The following DSE variants were observed in gnomAD, a reference collection of about 807,000 sequenced individuals.
DSE encodes dermatan sulfate epimerase.
Under a neutral mutation model 84.4 loss-of-function variants are expected in DSE, and 36 were observed. That is an observed-to-expected ratio of 0.43 (90% CI 0.33 to 0.56). DSE has a LOEUF of 0.56. Ranked by LOEUF, DSE falls within the 20% of genes least tolerant of loss-of-function variation. The pLI is 0.06. For missense variants in DSE, 862 were observed against 1,169.6 expected, an observed-to-expected ratio of 0.74 and a Z score of 3.84; for synonymous variants, 410 against 430.1, an observed-to-expected ratio of 0.95 and a Z score of 0.58.
rs67864536 is a variant in DSE at position 116,315,329 on chromosome 6, G to GATATATAT, written c.-54+56375_-54+56382dup. On this transcript the variant is annotated intron_variant, in intron 2 of 3. Transcript: ENST00000430252. The stretch of plus-strand genomic sequence containing the variant: ...CTCCTATTGTCTCATCACCTTCTGA[G>GATATATAT]ATATATATATATATATATATTCTTT... Among the ~76,000 whole-genome samples the GATATATAT allele has an allele frequency of 2.2e-3, 325 of 147,676 alleles. 2 individuals are homozygous for GATATATAT. Among genetic ancestry groups the GATATATAT allele is most frequent in the Non-Finnish European group, 3.9e-3 (262 of 66,744 alleles).
chr6:116,347,581 G>A (rs1285208984), intron 2 of DSE, among the ~76,000 whole-genome samples: 3 of 152,166 alleles, frequency 2.0e-5, no homozygotes, highest in Admixed American at 2.0e-4. Context: ...TGGGAAAACT[G>A]GCTAGCCATA....
intron 2 of DSE, among the ~76,000 whole-genome samples, chr6:116,306,848 C>G (rs1475645272): frequency 6.6e-6 from 1 of 152,152 alleles, no homozygotes; most frequent in Admixed American, 6.5e-5. Context: ...GAAGATACAA[C>G]AAGAAGGCTG....
At chr6:116,391,614 A>C (rs1414097531) in intron 1 of DSE, among the ~76,000 whole-genome samples, 2 of 151,902 alleles carry the variant, frequency 1.3e-5, no homozygotes, top group African/African-American at 4.8e-5. Flanking sequence ...AAAATACAAA[A>C]AATTAGCTGG....
intron 2 of DSE, among the ~76,000 whole-genome samples, chr6:116,323,628 C>T (rs1010301617): frequency 5.3e-5 from 8 of 152,052 alleles, no homozygotes; most frequent in African/African-American, 1.7e-4. Flanking sequence ...AATTTCATGT[C>T]ATTTGATTTG....
chr6:116,428,829 A>T (rs1783615290), intron 3 of DSE, among the ~76,000 whole-genome samples: 1 of 152,224 alleles, frequency 6.6e-6, no homozygotes, highest in South Asian at 2.1e-4. Flanking sequence ...TTGAAGATGG[A>T]TAGGAGAACT....
Position 116,399,323 on chromosome 6 carries a change from A to G in DSE, c.73A>G (p.Thr25Ala). 6.2e-7 allele frequency: 1 copy of G among 1,614,092 alleles called. No individual in the cohort carries two copies. The highest frequency in any genetic ancestry group is 8.5e-7 in the Non-Finnish European group (1 of 1,180,042). ...GCTTTGCTTTGTGTCAGCCTACATCACCGACGAGAACCCAGAAGTTATGAT... is the reference window on the plus strand; with the variant it reads ...GCTTTGCTTTGTGTCAGCCTACATCGCCGACGAGAACCCAGAAGTTATGAT... ...YLLCFVSAYI[T>A]DENPEVMIPF... The change falls in exon 2 of 6, where the codon ACC (threonine) becomes GCC (alanine). Residue 25 changes from threonine (T) to alanine (A), a missense_variant. Physicochemically the swap from Thr to Ala is moderately conservative, Grantham distance 58 (BLOSUM62 0). Around this residue, in one of 4 missense-constraint regions of DSE, gnomAD observed 52 missense variants for 49.6 expected, o/e 1.05. Coordinates refer to ENST00000644252, the MANE Select transcript of DSE (RefSeq NM_013352.4).
intron 2 of DSE, among the ~76,000 whole-genome samples, chr6:116,407,032 A>T (rs1781975423): frequency 6.6e-6 from 1 of 151,314 alleles, no homozygotes; most frequent in Admixed American, 6.6e-5. Context: ...TAAGAGACAT[A>T]TAAGACTGAA....
chr6:116,416,023 T>C (rs1046985079), intron 2 of DSE, among the ~76,000 whole-genome samples: 1 of 152,192 alleles, frequency 6.6e-6, no homozygotes, highest in African/African-American at 2.4e-5. Context: ...AGAATACTTT[T>C]CTTTGCCTTT....
chr6:116,404,362 C>T (rs779409394), intron 2 of DSE, among the ~76,000 whole-genome samples: 1 of 152,208 alleles, frequency 6.6e-6, no homozygotes, highest in Admixed American at 6.5e-5. Context: ...ACTGAGATCA[C>T]TTATTGTTCA....
intron 1 of DSE, among the ~76,000 whole-genome samples, chr6:116,385,611 A>G (rs1213458780): frequency 1.3e-5 from 2 of 152,174 alleles, no homozygotes; most frequent in Non-Finnish European, 2.9e-5. Flanking sequence ...GGCAGTGCCT[A>G]CGTCTTTGGG....
rs763528699 is a variant in DSE at position 116,258,489 on chromosome 6, A to G, written c.-532A>G. 4 of 1,089,546 alleles carry G rather than the reference A, an allele frequency of 3.7e-6. No individual in the cohort carries two copies. The African/African-American group carries it at 6.2e-5, about 17-fold the overall frequency. 67.5% of individuals were successfully genotyped at this position (1,089,546 alleles called of 1,614,324 possible). The stretch of plus-strand genomic sequence containing the variant: ...ACAGGTTTATTGGGCAACAGCTGGG[A>G]AAATCAGCGGTTGGACTTGGCCACA... On this transcript the variant is annotated 5_prime_UTR_variant, in exon 2 of 4. Coordinates refer to the DSE transcript ENST00000430252.
chr6:116,288,326 T>A (rs970476426), intron 2 of DSE: 3 of 152,166 alleles, frequency 2.0e-5, no homozygotes, highest in Non-Finnish European at 1.5e-5. Flanking sequence ...TGTATTATGC[T>A]AAAACTTAGG....
intron 1 of DSE, among the ~76,000 whole-genome samples, chr6:116,376,600 C>T (rs1301806310): frequency 6.6e-6 from 1 of 152,146 alleles, no homozygotes; most frequent in Non-Finnish European, 1.5e-5. Context: ...ACTGGATTTC[C>T]TTCTGTTTGC....
chr6:116,292,917 T>G (rs1774382505), intron 2 of DSE, among the ~76,000 whole-genome samples: 1 of 152,142 alleles, frequency 6.6e-6, no homozygotes, highest in African/African-American at 2.4e-5. Context: ...ATGCAAGAAA[T>G]ATTAAGAAAG....
rs908758480 is a variant in DSE at position 116,421,708 on chromosome 6, A to G, written c.417-4866A>G. The stretch of plus-strand genomic sequence containing the variant: ...ACTCCTGGGCTCAGGCAATCCTCCT[A>G]CCTTGGCCTCCTAAAGCACTAGGAT... On this transcript the variant is annotated intron_variant, in intron 2 of 5. Coordinates refer to ENST00000644252, the MANE Select transcript of DSE (RefSeq NM_013352.4). Among the ~76,000 whole-genome samples the G allele has an allele frequency of 3.3e-5, 5 of 151,792 alleles. No homozygotes were observed. In the South Asian group the frequency reaches 1.0e-3, roughly 32 times the overall value.
intron 2 of DSE, among the ~76,000 whole-genome samples, chr6:116,323,544 T>C (rs1280616679): frequency 6.6e-6 from 1 of 152,218 alleles, no homozygotes; most frequent in African/African-American, 2.4e-5. Context: ...AATGTTCTTA[T>C]CGAAAAGTGT....
chr6:116,421,506 A>G (rs1228092141), intron 2 of DSE, among the ~76,000 whole-genome samples: 1 of 108,082 alleles, frequency 9.3e-6, no homozygotes, highest in African/African-American at 3.9e-5. Context: ...ACAGGGTCTC[A>G]CTGTGTCACC....
intron 2 of DSE, among the ~76,000 whole-genome samples, chr6:116,262,431 G>T (rs1772451272): frequency 6.6e-6 from 1 of 152,096 alleles, no homozygotes; most frequent in South Asian, 2.1e-4. Flanking sequence ...TTCTCTGATG[G>T]TTGTTTGTAT....
intron 2 of DSE, among the ~76,000 whole-genome samples, chr6:116,263,065 G>C (rs758721978): frequency 6.6e-6 from 1 of 152,148 alleles, no homozygotes; most frequent in South Asian, 2.1e-4. Flanking sequence ...ATGCCATGTG[G>C]GAATGAGAAG....
Sources: allele counts gnomAD v4.1 joint callset (sites outside exome capture counted in the v4.1 genomes callset), GRCh38; gene constraint gnomAD v4.1.1; regional missense constraint gnomAD v4.1.1; transcripts MANE v1.5; gene names NCBI Gene and HGNC (gene_info 2026-07-23, HGNC 2026-07-21).